SHTN1: variants seen among roughly 807,000 people sequenced by gnomAD.
SHTN1 encodes the protein shootin 1, also known as shootin-1.
Under a neutral mutation model 83.1 loss-of-function variants are expected in SHTN1, and 42 were observed. The ratio of observed to expected loss-of-function variants is 0.51; its 90% CI spans 0.39 to 0.65. The LOEUF (loss-of-function observed/expected upper bound fraction) is 0.65. Ranked by LOEUF, SHTN1 falls within the 30% of genes least tolerant of loss-of-function variation. The probability of loss-of-function intolerance (pLI) is 0.00; values close to 1 mark genes in which losing one functional copy is unlikely to be tolerated. For missense variants in SHTN1, 622 were observed against 737.8 expected, an observed-to-expected ratio of 0.84 and a Z score of 1.82; for synonymous variants, 224 against 247.7, an observed-to-expected ratio of 0.90 and a Z score of 0.90.
intron 2 of SHTN1, among the ~76,000 whole-genome samples, chr10:117,037,712 A>G (rs1256254992): frequency 1.3e-5 from 2 of 152,152 alleles, no homozygotes; most frequent in Non-Finnish European, 2.9e-5. Flanking sequence ...AGACAAATAA[A>G]TCAGTAAACC....
chr10:117,102,990 C>T, intron 1 of SHTN1, among the ~76,000 whole-genome samples: 1 of 152,218 alleles, frequency 6.6e-6, no homozygotes, highest in Admixed American at 6.5e-5. Flanking sequence ...TTACTGTCAT[C>T]TGCCTCCTCA....
chr10:117,118,063 T>C (rs1254516290), intron 1 of SHTN1, among the ~76,000 whole-genome samples: 5 of 152,118 alleles, frequency 3.3e-5, no homozygotes, highest in Non-Finnish European at 5.9e-5. Context: ...CTAAAAAGCT[T>C]CTGCACAGCA....
At chr10:116,925,847 T>C (rs1848727352) in intron 11 of SHTN1, among the ~76,000 whole-genome samples, 1 of 152,106 alleles carries the variant, frequency 6.6e-6, no homozygotes, top group Non-Finnish European at 1.5e-5. Flanking sequence ...TAGTCTTTTT[T>C]TTTCTTCCCA....
At chr10:116,946,909 C>T (rs1389791246) in intron 7 of SHTN1, among the ~76,000 whole-genome samples, 3 of 151,606 alleles carry the variant, frequency 2.0e-5, no homozygotes, top group African/African-American at 4.8e-5. Context: ...TCAGTAGAGA[C>T]GAGGTTTTAC....
At chr10:116,924,746 ATTTTTTTTTTT>A (rs201343735) in intron 11 of SHTN1, among the ~76,000 whole-genome samples, 21 of 89,544 alleles carry the variant, frequency 2.3e-4, no homozygotes, top group East Asian at 5.7e-4. Context: ...ATTTTCACCT[ATTTTTTTTTTT>A]TTTTTTTTTT....
At position 116,954,011 on chromosome 10, in the gene SHTN1, A is replaced by G. The variant is rs779168053; in HGVS notation, c.436+31T>C. 2.4e-5 allele frequency: 38 copies of G among 1,570,872 alleles called. No individual in the cohort carries two copies. In the East Asian group the frequency reaches 8.4e-4, roughly 35 times the overall value. On this transcript the variant is annotated intron_variant, in intron 5 of 16. Transcript: ENST00000355371. ...AAGCACTATCATAACGGGGTAAAAAATATGCTCAATAATTAAGCAAAGAGT... is the reference window on the plus strand; with the variant it reads ...AAGCACTATCATAACGGGGTAAAAAGTATGCTCAATAATTAAGCAAAGAGT...
At chr10:117,105,488 T>C (rs532394024) in intron 1 of SHTN1, among the ~76,000 whole-genome samples, 1 of 152,288 alleles carries the variant, frequency 6.6e-6, no homozygotes, top group South Asian at 2.1e-4. Flanking sequence ...TCAAATGACT[T>C]ACCCACAGTC....
upstream of SHTN1, among the ~76,000 whole-genome samples, chr10:117,006,818 T>C (rs1852022918): frequency 2.0e-5 from 3 of 152,072 alleles, no homozygotes; most frequent in Admixed American, 2.0e-4. Context: ...CTTGTGTTCA[T>C]TTCTCCATGA....
intron 4 of SHTN1, among the ~76,000 whole-genome samples, chr10:116,955,081 A>C (rs1849929104): frequency 6.7e-6 from 1 of 149,770 alleles, no homozygotes; most frequent in Non-Finnish European, 1.5e-5. Flanking sequence ...ATCTCTATTA[A>C]AAGAGTTCTA....
chr10:116,994,621 T>C (rs1477207303), intron 1 of SHTN1, among the ~76,000 whole-genome samples: 1 of 152,098 alleles, frequency 6.6e-6, no homozygotes, highest in African/African-American at 2.4e-5. Flanking sequence ...GAAAATTGAG[T>C]TAAAGAGTTA....
intron 2 of SHTN1, among the ~76,000 whole-genome samples, chr10:117,017,857 T>C (rs1468166952): frequency 1.3e-5 from 2 of 152,202 alleles, no homozygotes; most frequent in African/African-American, 2.4e-5. Context: ...TACATTGATA[T>C]GACGCAATGA....
chr10:117,002,148 C>A (rs1029650535), intron 1 of SHTN1, among the ~76,000 whole-genome samples: 7 of 152,150 alleles, frequency 4.6e-5, no homozygotes, highest in Non-Finnish European at 8.8e-5. Context: ...GGCACTTTTG[C>A]AATGTCTAGC....
At chr10:117,053,738 A>T (rs1852783918) in intron 1 of SHTN1, among the ~76,000 whole-genome samples, 1 of 152,222 alleles carries the variant, frequency 6.6e-6, no homozygotes, top group Non-Finnish European at 1.5e-5. Context: ...CACATGACTC[A>T]GCAATTCCAC....
intron 16 of SHTN1, among the ~76,000 whole-genome samples, chr10:116,887,899 G>A (rs1024587011): frequency 2.0e-5 from 3 of 152,144 alleles, no homozygotes; most frequent in Non-Finnish European, 4.4e-5. Flanking sequence ...AAAAACAACA[G>A]AACAAATGAT....
At chr10:117,118,585 G>A (rs1156919967) in intron 1 of SHTN1, among the ~76,000 whole-genome samples, 1 of 152,142 alleles carries the variant, frequency 6.6e-6, no homozygotes. Context: ...TACATTGAAG[G>A]AATATCTGCA....
At chr10:116,979,378 A>T in intron 1 of SHTN1, 70 bp from the exon 2 acceptor site, 1 of 1,224,608 alleles carries the variant, frequency 8.2e-7, no homozygotes, top group Non-Finnish European at 1.2e-6. Flanking sequence ...TGGGGAATCC[A>T]ACTAACCCCC....
chr10:116,938,637 T>C (rs1849254969), intron 9 of SHTN1, among the ~76,000 whole-genome samples: 1 of 152,204 alleles, frequency 6.6e-6, no homozygotes, highest in South Asian at 2.1e-4. Flanking sequence ...TCAGGAGGCA[T>C]GGGAGTCAGG....
chr10:117,066,752 A>ACGT (rs1199672746), intron 1 of SHTN1, among the ~76,000 whole-genome samples: 2 of 152,242 alleles, frequency 1.3e-5, no homozygotes, highest in Non-Finnish European at 2.9e-5. Context: ...ACTAGAAAGA[A>ACGT]CGTGGGACTT....
chr10:116,884,379 A>G lies in SHTN1; in HGVS notation c.*1965T>C, dbSNP rs1185966311. The G allele has an allele frequency of 2.4e-6, 1 of 408,574 alleles. No homozygotes were observed. The highest frequency in any genetic ancestry group is 2.1e-5 in the African/African-American group (1 of 48,504). 25.3% of individuals were successfully genotyped at this position (408,574 alleles called of 1,614,324 possible). A position where few individuals can be genotyped will look rare whatever the true frequency, so the allele number is the denominator to read the frequency against. ...TACCTTCATGTCAAATTAATTTAAAATGCTTTGTAATCACAGTGAGAGAAA... is the reference window on the plus strand; with the variant it reads ...TACCTTCATGTCAAATTAATTTAAAGTGCTTTGTAATCACAGTGAGAGAAA... On this transcript the variant is annotated 3_prime_UTR_variant, in exon 17 of 17. Transcript: ENST00000355371.
Sources: allele counts gnomAD v4.1 joint callset (sites outside exome capture counted in the v4.1 genomes callset), GRCh38; gene constraint gnomAD v4.1.1; transcripts MANE v1.5; gene names NCBI Gene and HGNC (gene_info 2026-07-23, HGNC 2026-07-21).